The following UVRAG variants were observed in gnomAD, a reference collection of about 807,000 sequenced individuals.
The protein encoded by UVRAG is UV radiation resistance associated.
In UVRAG, 19 loss-of-function variants were observed where a neutral mutation model predicts 78.0. That is an observed-to-expected ratio of 0.24 (90% CI 0.17 to 0.36). The LOEUF (loss-of-function observed/expected upper bound fraction) is 0.36. Among genes scored for constraint, UVRAG ranks in the 10% least tolerant of loss-of-function variants. The pLI is 1.00. For missense variants in UVRAG, 740 were observed against 853.8 expected, an observed-to-expected ratio of 0.87 and a Z score of 1.66; for synonymous variants, 323 against 324.6, an observed-to-expected ratio of 1.00 and a Z score of 0.05.
At chr11:75,990,975 A>T (rs1350423766) in intron 8 of UVRAG, among the ~76,000 whole-genome samples, 1 of 152,190 alleles carries the variant, frequency 6.6e-6, no homozygotes, top group Non-Finnish European at 1.5e-5. Context: ...CTAAAGAAAG[A>T]CTTCTCTAAC....
At chr11:75,852,059 C>A in intron 2 of UVRAG, 59 bp downstream of exon 2, 1 of 1,248,550 alleles carries the variant, frequency 8.0e-7, no homozygotes, top group Non-Finnish European at 1.1e-6. Flanking sequence ...TTTTTTGTAA[C>A]ACAAGTGATT....
chr11:75,877,285 A>G (rs1590962895), intron 3 of UVRAG, among the ~76,000 whole-genome samples: 1 of 152,052 alleles, frequency 6.6e-6, no homozygotes, highest in Non-Finnish European at 1.5e-5. Flanking sequence ...TGATTTCTCA[A>G]TCTTTTCCCC....
At chr11:76,074,339 A>G (rs985908125) in intron 13 of UVRAG, among the ~76,000 whole-genome samples, 6 of 152,258 alleles carry the variant, frequency 3.9e-5, no homozygotes, top group Non-Finnish European at 1.5e-5. Context: ...ATGTGGAAAC[A>G]TAATATGAGA....
chr11:75,933,153 A>G (rs1244221114), intron 6 of UVRAG, among the ~76,000 whole-genome samples: 1 of 152,224 alleles, frequency 6.6e-6, no homozygotes, highest in Non-Finnish European at 1.5e-5. Flanking sequence ...CTGGCCTAAA[A>G]GCAGACACAT....
At chr11:76,120,738 AAG>A (rs1952257916) in intron 14 of UVRAG, among the ~76,000 whole-genome samples, 1 of 152,224 alleles carries the variant, frequency 6.6e-6, no homozygotes, top group East Asian at 1.9e-4. Flanking sequence ...GTTCCAAGTA[AAG>A]ATCACGGCAG....
chr11:75,931,047 A>T (rs931722780), intron 6 of UVRAG: 1 of 146,310 alleles, frequency 6.8e-6, no homozygotes, highest in Non-Finnish European at 1.5e-5. Flanking sequence ...TTCAAAATTA[A>T]TTTTTTGGTG....
At chr11:76,051,419 T>A (rs1950864907) in intron 12 of UVRAG, among the ~76,000 whole-genome samples, 1 of 152,192 alleles carries the variant, frequency 6.6e-6, no homozygotes, top group Non-Finnish European at 1.5e-5. Context: ...TTTCCATCCT[T>A]TAATTTTACT....
At chr11:75,985,154 C>CTTTTTTTTTT (rs796594987) in intron 8 of UVRAG, among the ~76,000 whole-genome samples, 6 of 128,566 alleles carry the variant, frequency 4.7e-5, no homozygotes, top group Non-Finnish European at 8.5e-5. Flanking sequence ...AATTTCTTTT[C>CTTTTTTTTTT]TTTTTTTTTT....
intron 13 of UVRAG, among the ~76,000 whole-genome samples, chr11:76,083,480 G>C (rs1449278639): frequency 6.6e-6 from 1 of 152,136 alleles, no homozygotes; most frequent in African/African-American, 2.4e-5. Context: ...ATGCCTAATA[G>C]TAAACGAGCT....
chr11:75,949,303 CT>C (rs1264509404), intron 6 of UVRAG, among the ~76,000 whole-genome samples: 1 of 152,086 alleles, frequency 6.6e-6, no homozygotes, highest in African/African-American at 2.4e-5. Context: ...TTTTGCAGGA[CT>C]TTTTTCCCCC....
chr11:76,085,255 A>G (rs1314994259), intron 13 of UVRAG, among the ~76,000 whole-genome samples: 1 of 152,114 alleles, frequency 6.6e-6, no homozygotes, highest in Non-Finnish European at 1.5e-5. Context: ...CTATAGCAAC[A>G]TCATGGCAAT....
At chr11:75,912,082 C>A in intron 6 of UVRAG, 43 bp downstream of exon 6, 1 of 1,401,664 alleles carries the variant, frequency 7.1e-7, no homozygotes, top group Non-Finnish European at 1.0e-6. Flanking sequence ...AAGAATCTTT[C>A]TCATTTTGAG....
At position 76,073,608 on chromosome 11, in the gene UVRAG, C is replaced by T. The variant is rs1012855322; in HGVS notation, c.1305+7820C>T. Among the ~76,000 whole-genome samples, 4 of 152,050 alleles carry T rather than the reference C, an allele frequency of 2.6e-5. 1 individual carries two copies. The highest frequency in any genetic ancestry group is 4.4e-5 in the Non-Finnish European group (3 of 68,008). On this transcript the variant is annotated intron_variant, in intron 13 of 14. Coordinates refer to ENST00000356136, the MANE Select transcript of UVRAG (RefSeq NM_003369.4). The stretch of plus-strand genomic sequence containing the variant: ...GTCAGCATTAAAAATATATATAACT[C>T]AATGAGCCAATGTTTTCCAAATGAC...
intron 3 of UVRAG, among the ~76,000 whole-genome samples, chr11:75,864,680 T>C (rs1010517953): frequency 2.6e-5 from 4 of 152,254 alleles, no homozygotes; most frequent in Non-Finnish European, 4.4e-5. Flanking sequence ...TCAGCAAATG[T>C]TTCTTGAATA....
In UVRAG at chr11:75,984,182, G is replaced by A. The variant is rs563174140; in HGVS notation, c.826+669G>A. Among the ~76,000 whole-genome samples the A allele has an allele frequency of 3.3e-5, 5 of 152,252 alleles. No homozygotes were observed. In the South Asian group the frequency reaches 8.3e-4, roughly 25 times the overall value. ...GCAGTATGTGGTATGATATTTTCTT[G>A]CTATGCTAGGCAGTGACAGTGAGCT... On this transcript the variant is annotated intron_variant, in intron 8 of 14. Coordinates refer to ENST00000356136, the MANE Select transcript of UVRAG (RefSeq NM_003369.4).
At chr11:75,888,787 C>G (rs775270281) in intron 4 of UVRAG, 42 bp from the exon 5 acceptor site, 2 of 1,522,764 alleles carry the variant, frequency 1.3e-6, no homozygotes, top group Non-Finnish European at 1.8e-6. Flanking sequence ...AAAACATGAT[C>G]GGAATAAAAA....
chr11:76,110,533 G>A (rs1356476210), intron 13 of UVRAG, among the ~76,000 whole-genome samples: 2 of 152,086 alleles, frequency 1.3e-5, no homozygotes, highest in Non-Finnish European at 2.9e-5. Context: ...TAATTAACAA[G>A]TATTTATCAA....
At chr11:75,878,449 T>C (rs1407288076) in intron 3 of UVRAG, 3 of 168,822 alleles carry the variant, frequency 1.8e-5, no homozygotes, top group South Asian at 2.1e-4. Flanking sequence ...CCTCACTTCC[T>C]AGACGGGGTG....
At chr11:75,853,255 C>A (rs1279722175) in intron 2 of UVRAG, among the ~76,000 whole-genome samples, 1 of 141,406 alleles carries the variant, frequency 7.1e-6, no homozygotes, top group Non-Finnish European at 1.5e-5. Flanking sequence ...GATTGTTTAA[C>A]AACTTTTTTT....
Sources: allele counts gnomAD v4.1 joint callset (sites outside exome capture counted in the v4.1 genomes callset), GRCh38; gene constraint gnomAD v4.1.1; transcripts MANE v1.5; gene names NCBI Gene and HGNC (gene_info 2026-07-23, HGNC 2026-07-21).